NCAM2: variants seen among roughly 807,000 people sequenced by gnomAD.
The protein encoded by NCAM2 is neural cell adhesion molecule 2.
NCAM2 carries 30 observed loss-of-function variants against 98.1 expected under a neutral mutation model. The observed-to-expected ratio is 0.31, with a 90% CI of 0.23 to 0.41. The LOEUF is 0.41. Among genes scored for constraint, NCAM2 ranks in the 10% least tolerant of loss-of-function variants. The pLI is 1.00. For missense variants in NCAM2, 867 were observed against 1,005.8 expected (o/e 0.86, Z 1.87); for synonymous variants, 368 against 342.4 (o/e 1.07, Z -0.83).
chr21:21,504,618 A>C (rs1987858105), intron 15 of NCAM2, among the ~76,000 whole-genome samples: 1 of 151,802 alleles, frequency 6.6e-6, no homozygotes, highest in African/African-American at 2.4e-5. Context: ...TGGTGAGAGA[A>C]AATAATTAAA....
chr21:21,253,047 C>CTT (rs2071531444), intron 1 of NCAM2, among the ~76,000 whole-genome samples: 1 of 152,136 alleles, frequency 6.6e-6, no homozygotes, highest in Admixed American at 6.5e-5. Context: ...TCCCTTTTCT[C>CTT]TGATCTTGAT....
At position 21,284,239 on chromosome 21, in the gene NCAM2, A is replaced by G. The variant is rs2073023221; in HGVS notation, c.176A>G (p.Glu59Gly). 1 of 1,612,534 alleles carries G rather than the reference A, an allele frequency of 6.2e-7. No individual in the cohort carries two copies. Among genetic ancestry groups the G allele is most frequent in the Non-Finnish European group, 8.5e-7 (1 of 1,178,996 alleles). Residue 59 changes from glutamate to glycine, a missense_variant, in exon 3 of 18, where the codon GAG (glutamate) becomes GGG (glycine). By Grantham distance (98) the Glu-to-Gly change is moderately conservative. This residue lies in a region of NCAM2 where 447 missense variants were observed against 495.7 expected (regional missense o/e 0.90). Coordinates refer to ENST00000400546, the MANE Select transcript of NCAM2 (RefSeq NM_004540.5). ...ATAGATTGGTATAATCCTCAAGGAGAGAAGATAATTTCAACACAGAGGGTA... is the reference window on the plus strand; with the variant it reads ...ATAGATTGGTATAATCCTCAAGGAGGGAAGATAATTTCAACACAGAGGGTA... ...ESIDWYNPQG[E>G]KIISTQRVVV...
At chr21:21,096,901 T>A (rs2066136233) in intron 1 of NCAM2, among the ~76,000 whole-genome samples, 1 of 151,716 alleles carries the variant, frequency 6.6e-6, no homozygotes, top group Non-Finnish European at 1.5e-5. Flanking sequence ...TATGCCAATG[T>A]CAGCCTTAAC....
At chr21:21,187,276 T>C (rs1290940427) in intron 1 of NCAM2, among the ~76,000 whole-genome samples, 1 of 152,096 alleles carries the variant, frequency 6.6e-6, no homozygotes, top group Non-Finnish European at 1.5e-5. Flanking sequence ...TTATACTTAC[T>C]AATTTGAGTA....
At chr21:21,419,804 A>T (rs1044815722) in intron 11 of NCAM2, among the ~76,000 whole-genome samples, 4 of 152,064 alleles carry the variant, frequency 2.6e-5, no homozygotes, top group Non-Finnish European at 2.9e-5. Flanking sequence ...TATTGTGAAT[A>T]GTGCCGCGAT....
At chr21:21,169,988 A>G (rs1569103495) in intron 1 of NCAM2, among the ~76,000 whole-genome samples, 1 of 152,058 alleles carries the variant, frequency 6.6e-6, no homozygotes, top group Admixed American at 6.6e-5. Context: ...CAGACAGCAA[A>G]TAAGCATATG....
At chr21:21,394,595 T>G (rs1333421712) in intron 9 of NCAM2, among the ~76,000 whole-genome samples, 1 of 146,644 alleles carries the variant, frequency 6.8e-6, no homozygotes, top group Non-Finnish European at 1.5e-5. Flanking sequence ...TTCACGCCAT[T>G]CTCCTGCCTC....
chr21:21,130,005 G>A (rs568073518), intron 1 of NCAM2, among the ~76,000 whole-genome samples: 2 of 152,216 alleles, frequency 1.3e-5, no homozygotes, highest in African/African-American at 4.8e-5. Context: ...CAGAACTCAT[G>A]TTCTGGGAAG....
chr21:21,361,691 C>T (rs147040548), intron 8 of NCAM2, among the ~76,000 whole-genome samples: 179 of 152,110 alleles, frequency 1.2e-3, no homozygotes, highest in African/African-American at 4.1e-3. Flanking sequence ...TCTTCTATGT[C>T]CAATGACTTA....
At chr21:21,282,527 A>T (rs2072964097) in intron 2 of NCAM2, among the ~76,000 whole-genome samples, 1 of 151,746 alleles carries the variant, frequency 6.6e-6, no homozygotes, top group African/African-American at 2.4e-5. Context: ...AAATAAAGAT[A>T]TTGGAAAACC....
At chr21:21,497,694 T>C (rs1389335973) in intron 15 of NCAM2, among the ~76,000 whole-genome samples, 3 of 152,076 alleles carry the variant, frequency 2.0e-5, no homozygotes, top group Non-Finnish European at 4.4e-5. Flanking sequence ...GAATAAGTGT[T>C]GGGAAATACA....
intron 1 of NCAM2, among the ~76,000 whole-genome samples, chr21:21,011,485 A>G (rs1287435101): frequency 1.3e-5 from 2 of 152,070 alleles, no homozygotes; most frequent in African/African-American, 2.4e-5. Context: ...ATATATTTAC[A>G]GTATATGGCA....
chr21:21,196,116 T>C (rs2068995797), intron 1 of NCAM2, among the ~76,000 whole-genome samples: 1 of 152,214 alleles, frequency 6.6e-6, no homozygotes, highest in African/African-American at 2.4e-5. Flanking sequence ...TAAGGTCCTA[T>C]GGCGTGGTGG....
At chr21:21,281,300 A>C (rs1270352291) in intron 2 of NCAM2, among the ~76,000 whole-genome samples, 1 of 152,186 alleles carries the variant, frequency 6.6e-6, no homozygotes, top group Admixed American at 6.6e-5. Context: ...GAATATAAAG[A>C]TTATAACTGA....
At chr21:20,999,564 T>C (rs945459722) in intron 1 of NCAM2, among the ~76,000 whole-genome samples, 3 of 152,294 alleles carry the variant, frequency 2.0e-5, no homozygotes, top group South Asian at 2.1e-4. Flanking sequence ...AAAACATGCA[T>C]TGGTGAAAGT....
intron 1 of NCAM2, among the ~76,000 whole-genome samples, chr21:21,137,190 A>G (rs895590323): frequency 5.9e-5 from 9 of 152,224 alleles, no homozygotes; most frequent in African/African-American, 2.2e-4. Context: ...TGTGTTTAAC[A>G]CATGGTGCCG....
At chr21:21,490,814 A>G (rs1986787978) in intron 15 of NCAM2, among the ~76,000 whole-genome samples, 1 of 151,852 alleles carries the variant, frequency 6.6e-6, no homozygotes, top group Non-Finnish European at 1.5e-5. Flanking sequence ...AAAAAAAAGT[A>G]TGCTATAAGT....
chr21:21,258,783 C>A (rs896659917), intron 1 of NCAM2, among the ~76,000 whole-genome samples: 3 of 152,062 alleles, frequency 2.0e-5, no homozygotes, highest in African/African-American at 7.2e-5. Flanking sequence ...CACAAACATA[C>A]CCACATGACT....
intron 1 of NCAM2, among the ~76,000 whole-genome samples, chr21:21,216,850 C>T (rs2069923676): frequency 2.0e-5 from 3 of 152,114 alleles, no homozygotes; most frequent in Admixed American, 2.0e-4. Context: ...GGTAATAGGC[C>T]AGAGCCACAT....
Sources: gnomAD v4.1 joint callset for allele counts (sites outside exome capture counted in the v4.1 genomes callset) on GRCh38, gnomAD v4.1.1 for gene constraint, gnomAD v4.1.1 regional missense constraint, MANE v1.5 for transcripts, NCBI Gene and HGNC (gene_info 2026-07-23, HGNC 2026-07-21) for gene names.